AIG1: variants seen among roughly 807,000 people sequenced by gnomAD.
AIG1 encodes androgen induced 1, also known as androgen-induced gene 1 protein.
AIG1 carries 23 observed loss-of-function variants against 31.4 expected under a neutral mutation model. That is an observed-to-expected ratio of 0.73 (90% confidence interval 0.53 to 1.04). The LOEUF (loss-of-function observed/expected upper bound fraction) is 1.04, where lower values mean the gene tolerates loss of function less well. Ranked by LOEUF, AIG1 falls within the 50% of genes least tolerant of loss-of-function variation. The pLI is 0.00. For missense variants in AIG1, 274 were observed against 295.0 expected, an observed-to-expected ratio of 0.93 and a Z score of 0.52; for synonymous variants, 100 against 110.5, an observed-to-expected ratio of 0.90 and a Z score of 0.60.
At chr6:143,311,883 A>G (rs1775306720) in intron 4 of AIG1, among the ~76,000 whole-genome samples, 4 of 152,184 alleles carry the variant, frequency 2.6e-5, no homozygotes, top group East Asian at 3.9e-4. Flanking sequence ...CAAAATCAAC[A>G]TACAAAAATC....
chr6:143,285,362 G>C (rs1010765045), intron 4 of AIG1, among the ~76,000 whole-genome samples: 3 of 150,382 alleles, frequency 2.0e-5, no homozygotes, highest in Admixed American at 1.3e-4. Flanking sequence ...TTACGACCAT[G>C]TGGTAAAGCT....
intron 1 of AIG1, among the ~76,000 whole-genome samples, chr6:143,098,204 C>T (rs113635124): frequency 0.013 from 1,914 of 152,324 alleles, 31 homozygotes; most frequent in African/African-American, 0.037. Context: ...CTCTCTGAAA[C>T]ACACTCTGCC....
intron 3 of AIG1, among the ~76,000 whole-genome samples, chr6:143,171,490 T>C (rs1456694864): frequency 8.2e-6 from 1 of 122,254 alleles, no homozygotes; most frequent in African/African-American, 3.3e-5. Flanking sequence ...ATATATTAAA[T>C]ATATAATATA....
intron 4 of AIG1, among the ~76,000 whole-genome samples, chr6:143,315,511 G>A (rs750208611): frequency 1.2e-4 from 19 of 152,054 alleles, no homozygotes; most frequent in Non-Finnish European, 2.6e-4. Context: ...GCTAGAAATA[G>A]ACTCTCACAA....
chr6:143,309,893 A>G (rs1775126115), intron 4 of AIG1, among the ~76,000 whole-genome samples: 1 of 152,004 alleles, frequency 6.6e-6, no homozygotes, highest in Admixed American at 6.6e-5. Context: ...GAAAATTATC[A>G]GAGATAAACA....
intron 3 of AIG1, among the ~76,000 whole-genome samples, chr6:143,202,051 A>G (rs1191079485): frequency 6.6e-6 from 1 of 152,162 alleles, no homozygotes. Context: ...TACCCAGTTA[A>G]TGCAAACCCA....
At position 143,226,414 on chromosome 6, in the gene AIG1, A is replaced by T; in HGVS notation, c.400-57696A>T. 2.1e-5 allele frequency among the ~76,000 whole-genome samples: 3 copies of T among 143,338 alleles called. No individual in the cohort carries two copies. In the South Asian group the frequency reaches 6.7e-4, roughly 32 times the overall value. 94.0% of individuals were successfully genotyped at this position (143,338 alleles called of 152,430 possible). A position where few individuals can be genotyped will look rare whatever the true frequency, so the allele number is the denominator to read the frequency against. On this transcript the variant is annotated intron_variant, in intron 3 of 5. Transcript: ENST00000357847. ...CCCACCGTGCCCAGCTAATTTTTGT[A>T]TTTTTTTTTTTAGTAGAGATGGGGT...
intron 1 of AIG1, among the ~76,000 whole-genome samples, chr6:143,072,410 G>A (rs1448965563): frequency 6.6e-6 from 1 of 151,994 alleles, no homozygotes; most frequent in Admixed American, 6.6e-5. Context: ...AATATGGATA[G>A]CTTTTATTTC....
intron 3 of AIG1, among the ~76,000 whole-genome samples, chr6:143,235,427 G>A (rs1793736056): frequency 6.6e-6 from 1 of 152,172 alleles, no homozygotes; most frequent in Admixed American, 6.5e-5. Flanking sequence ...TAGAATAATG[G>A]CAGGGAAGGT....
intron 2 of AIG1, among the ~76,000 whole-genome samples, chr6:143,140,628 G>A (rs1025771450): frequency 5.9e-5 from 9 of 152,174 alleles, no homozygotes; most frequent in Admixed American, 3.9e-4. Context: ...GTGCCTCCTG[G>A]CCTGGAATGG....
intron 1 of AIG1, among the ~76,000 whole-genome samples, chr6:143,101,159 C>T (rs537609551): frequency 6.6e-6 from 1 of 152,054 alleles, no homozygotes; most frequent in African/African-American, 2.4e-5. Context: ...AGGTTGCTGG[C>T]TTTCATTGTT....
chr6:143,116,794 G>A (rs543191277), intron 1 of AIG1, among the ~76,000 whole-genome samples: 2 of 151,520 alleles, frequency 1.3e-5, no homozygotes, highest in South Asian at 4.2e-4. Flanking sequence ...CAAGTGGGCT[G>A]GACAGGAAAA....
At chr6:143,065,411 G>A (rs1385115674) in intron 1 of AIG1, among the ~76,000 whole-genome samples, 1 of 152,156 alleles carries the variant, frequency 6.6e-6, no homozygotes, top group African/African-American at 2.4e-5. Flanking sequence ...TAAACTAGCT[G>A]TTACTCAAAT....
chr6:143,155,344 G>A (rs1209814567), intron 2 of AIG1, among the ~76,000 whole-genome samples: 1 of 152,156 alleles, frequency 6.6e-6, no homozygotes, highest in Admixed American at 6.5e-5. Context: ...CATGTGCAAA[G>A]ACAAGGGGGC....
chr6:143,216,106 T>C (rs569222578), intron 3 of AIG1, among the ~76,000 whole-genome samples: 1 of 151,876 alleles, frequency 6.6e-6, no homozygotes, highest in Non-Finnish European at 1.5e-5. Context: ...GAACACATCT[T>C]ATTGGTGAGA....
In AIG1 at chr6:143,326,961, G is replaced by T. The variant is rs1776662788; in HGVS notation, c.516-6321G>T. Among the ~76,000 whole-genome samples, 1 of 152,162 alleles carries T rather than the reference G, an allele frequency of 6.6e-6. No individual in the cohort carries two copies. The highest frequency in any genetic ancestry group is 2.1e-4 in the South Asian group (1 of 4,816). On this transcript the variant is annotated intron_variant, in intron 4 of 5. Coordinates refer to ENST00000357847, the MANE Select transcript of AIG1 (RefSeq NM_016108.4). This position sits in a 1 kb window ranked among gnomAD's most constrained non-coding sequence, Gnocchi z 4.5. ...CACTCTAGACTTTGTTGAAACTTTGGGTCTCTAACAAAAAATCAGTGGGAG... is the reference window on the plus strand; with the variant it reads ...CACTCTAGACTTTGTTGAAACTTTGTGTCTCTAACAAAAAATCAGTGGGAG...
intron 4 of AIG1, among the ~76,000 whole-genome samples, chr6:143,322,920 G>A (rs1212626284): frequency 6.6e-6 from 1 of 152,158 alleles, no homozygotes; most frequent in Non-Finnish European, 1.5e-5. Flanking sequence ...TGCATAAGGA[G>A]AAGCAGTAGA....
At chr6:143,083,731 C>T (rs1778502474) in intron 1 of AIG1, among the ~76,000 whole-genome samples, 1 of 152,138 alleles carries the variant, frequency 6.6e-6, no homozygotes, top group Non-Finnish European at 1.5e-5. Context: ...TAAGTGGGTA[C>T]TGCCTTTGGT....
intron 2 of AIG1, among the ~76,000 whole-genome samples, chr6:143,146,430 G>A (rs769029903): frequency 5.9e-5 from 9 of 151,746 alleles, no homozygotes; most frequent in Middle Eastern, 3.4e-3. Context: ...GATTTTAAAA[G>A]AAAAGAAAAA....
Sources: allele counts gnomAD v4.1 joint callset (sites outside exome capture counted in the v4.1 genomes callset), GRCh38; gene constraint gnomAD v4.1.1; non-coding constraint Gnocchi (gnomAD v3.1); transcripts MANE v1.5; gene names NCBI Gene and HGNC (gene_info 2026-07-23, HGNC 2026-07-21).